The following RBM26 variants were observed in gnomAD, a reference collection of about 807,000 sequenced individuals.
The protein encoded by RBM26 is RNA-binding protein 26.
A neutral mutation model predicts 123.6 loss-of-function variants in RBM26; 30 were observed. The ratio of observed to expected loss-of-function variants is 0.24; its 90% CI spans 0.18 to 0.33. The LOEUF is 0.33. Among genes scored for constraint, RBM26 ranks in the 10% least tolerant of loss-of-function variants. The pLI, the probability that RBM26 is intolerant of heterozygous loss-of-function variation, is 1.00. For synonymous variants in RBM26, 400 were observed against 404.4 expected (o/e 0.99, Z 0.13); for missense variants, 947 against 1,203.6 (o/e 0.79, Z 3.15).
chr13:79,377,262 T>C, intron 3 of RBM26, 117 bp downstream of exon 3: 2 of 775,440 alleles, frequency 2.6e-6, no homozygotes, highest in South Asian at 3.8e-5. Flanking sequence ...AGAAAAATCA[T>C]TTAAACTGGG....
chr13:79,316,980 G>GT (rs751640199), downstream of RBM26, among the ~76,000 whole-genome samples: 1 of 151,434 alleles, frequency 6.6e-6, no homozygotes, highest in African/African-American at 2.4e-5. Flanking sequence ...ATATTGGTTT[G>GT]TTTTTTTTTT....
intron 1 of RBM26, among the ~76,000 whole-genome samples, chr13:79,393,488 G>A (rs1020469234): frequency 6.6e-6 from 1 of 152,174 alleles, no homozygotes; most frequent in Non-Finnish European, 1.5e-5. Context: ...GACAAGAAGT[G>A]AGGTTGCTGC....
At chr13:79,368,088 C>T (rs1027591816) in intron 6 of RBM26, among the ~76,000 whole-genome samples, 9 of 150,228 alleles carry the variant, frequency 6.0e-5, no homozygotes, top group South Asian at 2.1e-4. Context: ...TGCAGTGGTG[C>T]GATCTTGGCT....
intron 20 of RBM26, among the ~76,000 whole-genome samples, chr13:79,322,879 G>A (rs1430607109): frequency 3.3e-5 from 5 of 151,238 alleles, no homozygotes; most frequent in Non-Finnish European, 7.4e-5. Flanking sequence ...GGATCAATAT[G>A]CTAAATATAT....
At chr13:79,367,421 AAAAAAAAAAAAG>A (rs1289575591) in intron 6 of RBM26, among the ~76,000 whole-genome samples, 4 of 132,190 alleles carry the variant, frequency 3.0e-5, no homozygotes, top group Admixed American at 7.9e-5. Context: ...AAAAAAAAAA[AAAAAAAAAAAAG>A]AAGAAGAAGA....
At chr13:79,373,315 AATATATAT>A (rs1250187491) in intron 3 of RBM26, among the ~76,000 whole-genome samples, 1 of 107,644 alleles carries the variant, frequency 9.3e-6, no homozygotes, top group Non-Finnish European at 1.7e-5. Context: ...AATATAAATA[AATATATAT>A]AAATATAAAA....
intron 1 of RBM26, among the ~76,000 whole-genome samples, chr13:79,400,641 A>C (rs1282278142): frequency 6.6e-6 from 1 of 152,222 alleles, no homozygotes; most frequent in Non-Finnish European, 1.5e-5. Flanking sequence ...GAAAAATACA[A>C]TTAGAATCTG....
At chr13:79,391,442 T>C (rs1214485028) in intron 1 of RBM26, among the ~76,000 whole-genome samples, 1 of 152,204 alleles carries the variant, frequency 6.6e-6, no homozygotes, top group Non-Finnish European at 1.5e-5. Flanking sequence ...GTGTGTTTTT[T>C]TGAGACAGTC....
chr13:79,344,616 A>AG (rs2071986652), intron 15 of RBM26, 53 bp downstream of exon 15: 1 of 1,514,016 alleles, frequency 6.6e-7, no homozygotes, highest in African/African-American at 1.4e-5. Flanking sequence ...CACATACACA[A>AG]GGAAAGCTTT....
chr13:79,377,690 G>C (rs1340359487), intron 2 of RBM26, among the ~76,000 whole-genome samples, 175 bp from the exon 3 acceptor site: 1 of 152,116 alleles, frequency 6.6e-6, no homozygotes, highest in East Asian at 1.9e-4. Flanking sequence ...ACTTTGGGAG[G>C]CCAAGGCAGG....
chr13:79,383,089 C>CTT (rs60100183), intron 1 of RBM26, among the ~76,000 whole-genome samples: 2,939 of 111,142 alleles, frequency 0.026, 71 homozygotes, highest in African/African-American at 0.1. Flanking sequence ...TAGAGATAGG[C>CTT]TTTTTTTTTT....
intron 9 of RBM26, among the ~76,000 whole-genome samples, chr13:79,364,616 T>C (rs2139825024): frequency 6.6e-6 from 1 of 152,308 alleles, no homozygotes; most frequent in Middle Eastern, 3.4e-3. Context: ...TACTGTATTT[T>C]CCAAATTAAT....
In RBM26 at chr13:79,353,153, C is replaced by T; in HGVS notation, c.2058G>A (p.Lys686=). ...AAACACATCATGCTATTCTTCTTAC[C>T]TTTTCAGTTGCTGAAACAGATGGCT... ...VSKPSVSATE[K]VLSTSTGLTK... Residue 686 remains lysine, a splice_region_variant and synonymous_variant, in exon 14 of 22, where the codon AAG becomes AAA. Coordinates refer to ENST00000438737, the MANE Select transcript of RBM26 (RefSeq NM_001366735.2). The T allele has an allele frequency of 1.3e-6, 2 of 1,576,984 alleles. No homozygotes were observed. The highest frequency in any genetic ancestry group is 1.7e-6 in the Non-Finnish European group (2 of 1,156,498).
intron 9 of RBM26, among the ~76,000 whole-genome samples, chr13:79,360,490 A>AATATATATATATATAT (rs141926769): frequency 5.3e-5 from 8 of 149,966 alleles, no homozygotes; most frequent in African/African-American, 2.0e-4. Context: ...CCTCACCACA[A>AATATATATATATATAT]ATATATATAT....
At chr13:79,351,657 A>G (rs1200901976) in intron 14 of RBM26, among the ~76,000 whole-genome samples, 1 of 152,106 alleles carries the variant, frequency 6.6e-6, no homozygotes, top group East Asian at 1.9e-4. Flanking sequence ...AAAATAAAAT[A>G]ATAAAAGTCA....
intron 1 of RBM26, among the ~76,000 whole-genome samples, chr13:79,398,330 A>G (rs1191518468): frequency 6.6e-6 from 1 of 152,240 alleles, no homozygotes; most frequent in Non-Finnish European, 1.5e-5. Context: ...CCTATCTCTC[A>G]GTTTAAGCAT....
At chr13:79,358,206 A>G in intron 11 of RBM26, 68 bp downstream of exon 11, 1 of 1,265,692 alleles carries the variant, frequency 7.9e-7, no homozygotes, top group South Asian at 1.5e-5. Flanking sequence ...TTATAAAGGT[A>G]GTTTTCTTAT....
intron 18 of RBM26, 52 bp from the exon 19 acceptor site, chr13:79,337,354 G>C (rs1187321398): frequency 6.3e-6 from 10 of 1,593,718 alleles, no homozygotes; most frequent in Non-Finnish European, 8.6e-6. Flanking sequence ...ACTAACACAA[G>C]CCAAGCATTA....
At chr13:79,381,670 G>A (rs1324423049) in intron 1 of RBM26, among the ~76,000 whole-genome samples, 2 of 151,940 alleles carry the variant, frequency 1.3e-5, no homozygotes, top group Non-Finnish European at 2.9e-5. Flanking sequence ...AATGTTAGCA[G>A]CTAAAAATCT....
Sources: gnomAD v4.1 joint callset for allele counts (sites outside exome capture counted in the v4.1 genomes callset) on GRCh38, gnomAD v4.1.1 for gene constraint, MANE v1.5 for transcripts, NCBI Gene and HGNC (gene_info 2026-07-23, HGNC 2026-07-21) for gene names.